RNF180: variants seen among roughly 807,000 people sequenced by gnomAD.
RNF180 encodes ring finger protein 180, also known as E3 ubiquitin-protein ligase RNF180.
RNF180 carries 38 observed loss-of-function variants against 59.2 expected under a neutral mutation model. The observed-to-expected ratio is 0.64, with a 90% confidence interval of 0.50 to 0.84. The LOEUF (loss-of-function observed/expected upper bound fraction) is 0.84, where lower values mean the gene tolerates loss of function less well. Ranked by LOEUF, RNF180 falls within the 40% of genes least tolerant of loss-of-function variation. RNF180 has a pLI of 0.00. For missense variants in RNF180, 705 were observed against 700.9 expected (o/e 1.01, Z -0.07); for synonymous variants, 262 against 240.3 (o/e 1.09, Z -0.84).
At position 64,317,405 on chromosome 5, in the gene RNF180, A is replaced by G. The variant is rs542929495; in HGVS notation, c.1228-7781A>G. Among the ~76,000 whole-genome samples, 15 of 152,268 alleles carry G rather than the reference A, an allele frequency of 9.9e-5. No individual in the cohort carries two copies. In the East Asian group the frequency reaches 2.1e-3, roughly 22 times the overall value. ...ATACTGATAGATATTAAATGAGCAC[A>G]TGCTATTAGGAGAAGTGATGCCAAC... On this transcript the variant is annotated intron_variant, in intron 5 of 7. Coordinates refer to ENST00000389100, the MANE Select transcript of RNF180 (RefSeq NM_001113561.2).
chr5:64,215,739 CAGAA>C (rs1193585203), intron 4 of RNF180, among the ~76,000 whole-genome samples: 6 of 151,972 alleles, frequency 3.9e-5, no homozygotes. Flanking sequence ...AGTGAATATT[CAGAA>C]AGAATATTTT....
intron 7 of RNF180, among the ~76,000 whole-genome samples, chr5:64,359,727 T>G (rs983522404): frequency 2.6e-5 from 4 of 151,944 alleles, no homozygotes; most frequent in African/African-American, 4.8e-5. Flanking sequence ...ATGTCCTGAA[T>G]GGTAATGCCT....
intron 1 of RNF180, among the ~76,000 whole-genome samples, chr5:64,178,562 A>G (rs1750386898): frequency 6.6e-6 from 1 of 152,176 alleles, no homozygotes; most frequent in Non-Finnish European, 1.5e-5. Flanking sequence ...AAAGGCACCT[A>G]TGTTTTTCTA....
chr5:64,227,764 C>A (rs955299587), intron 5 of RNF180, among the ~76,000 whole-genome samples: 2 of 152,174 alleles, frequency 1.3e-5, no homozygotes, highest in Admixed American at 1.3e-4. Flanking sequence ...AAGGTACCTT[C>A]ATTTTGTTTG....
At chr5:64,293,634 T>C (rs949627570) in intron 5 of RNF180, among the ~76,000 whole-genome samples, 1 of 151,852 alleles carries the variant, frequency 6.6e-6, no homozygotes, top group East Asian at 1.9e-4. Context: ...ATTACAAATA[T>C]TATTTTAAAT....
At chr5:64,262,156 CT>C (rs1244602579) in intron 5 of RNF180, among the ~76,000 whole-genome samples, 7 of 152,028 alleles carry the variant, frequency 4.6e-5, no homozygotes, top group African/African-American at 1.7e-4. Flanking sequence ...TGGTAACTTA[CT>C]AAGGGGATAC....
intron 5 of RNF180, among the ~76,000 whole-genome samples, chr5:64,283,912 G>A (rs780597870): frequency 2.6e-5 from 4 of 152,142 alleles, no homozygotes; most frequent in Admixed American, 1.3e-4. Flanking sequence ...GTTGTTAGCT[G>A]GTTATTATGC....
At chr5:64,348,484 C>G (rs1056089128) in intron 7 of RNF180, among the ~76,000 whole-genome samples, 22 of 151,950 alleles carry the variant, frequency 1.4e-4, no homozygotes, top group African/African-American at 4.6e-4. Context: ...CAACTGGTGG[C>G]CATATAGGAG....
At chr5:64,335,636 A>AT (rs1166191070) in intron 7 of RNF180, among the ~76,000 whole-genome samples, 1 of 152,000 alleles carries the variant, frequency 6.6e-6, no homozygotes, top group Non-Finnish European at 1.5e-5. Flanking sequence ...CATTGGTATA[A>AT]TTTTTTATTC....
intron 5 of RNF180, among the ~76,000 whole-genome samples, chr5:64,228,915 CTTTT>C (rs373212886): frequency 3.5e-4 from 34 of 98,490 alleles, no homozygotes; most frequent in South Asian, 7.8e-4. Flanking sequence ...TCTATTACTG[CTTTT>C]TTTTTTTTTT....
chr5:64,331,656 A>G (rs1744913383), intron 7 of RNF180, among the ~76,000 whole-genome samples: 1 of 152,176 alleles, frequency 6.6e-6, no homozygotes, highest in African/African-American at 2.4e-5. Flanking sequence ...AGTTGTCTGC[A>G]TACCTCATTC....
At chr5:64,328,173 AT>A (rs989167973) in intron 6 of RNF180, among the ~76,000 whole-genome samples, 8 of 152,100 alleles carry the variant, frequency 5.3e-5, no homozygotes, top group Non-Finnish European at 1.0e-4. Context: ...TTGTGAGTCA[AT>A]TTTCCCAAGA....
At chr5:64,242,051 C>A (rs1336956124) in intron 5 of RNF180, among the ~76,000 whole-genome samples, 2 of 152,184 alleles carry the variant, frequency 1.3e-5, no homozygotes, top group African/African-American at 4.8e-5. Flanking sequence ...CCTCAGGTTC[C>A]AGAAAGCCCT....
chr5:64,226,743 A>G (rs1348683479), intron 5 of RNF180, among the ~76,000 whole-genome samples: 2 of 152,228 alleles, frequency 1.3e-5, no homozygotes, highest in Admixed American at 1.3e-4. Context: ...CAGCACAGAT[A>G]TAGCTGGTAA....
chr5:64,174,101 T>C (rs1253424898), intron 1 of RNF180, among the ~76,000 whole-genome samples: 1 of 152,208 alleles, frequency 6.6e-6, no homozygotes, highest in African/African-American at 2.4e-5. Context: ...TATAATGTCC[T>C]CCAGACTCAT....
chr5:64,182,063 T>C (rs2111951896), intron 1 of RNF180, among the ~76,000 whole-genome samples: 1 of 142,846 alleles, frequency 7.0e-6, no homozygotes, highest in African/African-American at 2.6e-5. Context: ...ACATCTTAGC[T>C]CACTGCAAGC....
chr5:64,184,495 T>G (rs1750777667), intron 1 of RNF180, among the ~76,000 whole-genome samples: 1 of 152,234 alleles, frequency 6.6e-6, no homozygotes. Context: ...GCTTCTATAC[T>G]GAAGAATTTT....
In RNF180 at chr5:64,370,419, C is replaced by A. The variant is rs1401967330; in HGVS notation, c.*605C>A. 6.6e-6 allele frequency: 1 copy of A among 151,616 alleles called. No individual in the cohort carries two copies. The highest frequency in any genetic ancestry group is 1.5e-5 in the Non-Finnish European group (1 of 67,760). The allele number at this position is 151,616 out of a possible 1,614,324, so 9.4% of individuals were successfully genotyped here. A position where few individuals can be genotyped will look rare whatever the true frequency, so the allele number is the denominator to read the frequency against. Reference sequence around the variant, plus strand: ...TATAAACAGAATACTAAATACAAATCATGAGACTAATCCCTACCAATAAAC... The same window carrying A: ...TATAAACAGAATACTAAATACAAATAATGAGACTAATCCCTACCAATAAAC... On this transcript the variant is annotated 3_prime_UTR_variant, in exon 8 of 8. Coordinates refer to ENST00000389100, the MANE Select transcript of RNF180 (RefSeq NM_001113561.2).
chr5:64,278,369 GAC>G, intron 5 of RNF180, among the ~76,000 whole-genome samples: 1 of 152,242 alleles, frequency 6.6e-6, no homozygotes, highest in Admixed American at 6.5e-5. Flanking sequence ...AGTCTCAAGA[GAC>G]ACAGACAGCA....
Sources: allele counts gnomAD v4.1 joint callset (sites outside exome capture counted in the v4.1 genomes callset), GRCh38; gene constraint gnomAD v4.1.1; transcripts MANE v1.5; gene names NCBI Gene and HGNC (gene_info 2026-07-23, HGNC 2026-07-21).